The following ABCD2 variants were observed in gnomAD, a reference collection of about 807,000 sequenced individuals.
ABCD2 encodes ATP-binding cassette sub-family D member 2.
In ABCD2, 36 loss-of-function variants were observed where a neutral mutation model predicts 70.9. That is an observed-to-expected ratio of 0.51 (90% CI 0.39 to 0.67). ABCD2 has a LOEUF of 0.67. Ranked by LOEUF, ABCD2 falls within the 30% of genes least tolerant of loss-of-function variation. The pLI is 0.00. For missense variants in ABCD2, 729 were observed against 890.2 expected (o/e 0.82, Z 2.30); for synonymous variants, 304 against 306.9 (o/e 0.99, Z 0.10).
chr12:39,549,820 A>G (rs532280036), downstream of ABCD2, among the ~76,000 whole-genome samples: 27 of 151,998 alleles, frequency 1.8e-4, no homozygotes, highest in African/African-American at 6.0e-4. Context: ...TAGTTTGGGT[A>G]TTGTATGAGG....
At chr12:39,554,448 T>G (rs1243239591) in intron 9 of ABCD2, among the ~76,000 whole-genome samples, 1 of 152,046 alleles carries the variant, frequency 6.6e-6, no homozygotes, top group Admixed American at 6.6e-5. Flanking sequence ...TAAGGCATTC[T>G]TAGGATGGGA....
rs150748438 is a variant in ABCD2, at chr12:39,584,237, G to A, written c.1792+1915C>T. The stretch of plus-strand genomic sequence containing the variant: ...GACTGGTGTGAGATGGTACCTCATT[G>A]TGGTTTTGATGTGCATTTCTCTAGT... On this transcript the variant is annotated intron_variant, in intron 7 of 9. Coordinates refer to ENST00000308666, the MANE Select transcript of ABCD2 (RefSeq NM_005164.4). 2.2e-4 allele frequency among the ~76,000 whole-genome samples: 33 copies of A among 152,228 alleles called. No homozygotes were observed. The East Asian group carries it at 6.2e-3, about 28-fold the overall frequency.
rs1388193328 is a variant in ABCD2 at position 39,619,210 on chromosome 12, C to T, written c.406G>A (p.Val136Met). The change falls in exon 1 of 10, where the codon GTG becomes ATG. Residue 136 changes from valine (V) to methionine (M), a missense_variant. Val to Met is a conservative substitution (Grantham distance 21). Around this residue, in one of 3 missense-constraint regions of ABCD2, gnomAD observed 245 missense variants for 261.2 expected, o/e 0.94. Transcript: ENST00000308666. ...ATGAAAGTCCGAGGCTTCTTTTCCACAATGCTTTTCACGATTTTTCCATCC... is the reference window on the plus strand; with the variant it reads ...ATGAAAGTCCGAGGCTTCTTTTCCATAATGCTTTTCACGATTTTTCCATCC... ...GLDGKIVKSIVEKKPRTFIIK... is the reference protein window; with the variant it reads ...GLDGKIVKSIMEKKPRTFIIK... 3.1e-6 allele frequency: 5 copies of T among 1,614,034 alleles called. No homozygotes were observed. The highest frequency in any genetic ancestry group is 4.2e-6 in the Non-Finnish European group (5 of 1,180,040).
chr12:39,558,131 C>A (rs373827276), intron 9 of ABCD2, among the ~76,000 whole-genome samples: 2 of 152,240 alleles, frequency 1.3e-5, no homozygotes, highest in Non-Finnish European at 2.9e-5. Flanking sequence ...GGGAGCCCAA[C>A]TCTTGCATCA....
chr12:39,555,768 C>T (rs922789068), intron 9 of ABCD2, among the ~76,000 whole-genome samples: 58 of 152,240 alleles, frequency 3.8e-4, no homozygotes, highest in African/African-American at 1.2e-3. Flanking sequence ...ACCTGTTGTC[C>T]CTGTCAGACA....
At chr12:39,614,168 C>T (rs191145510) in intron 2 of ABCD2, among the ~76,000 whole-genome samples, 55 of 152,124 alleles carry the variant, frequency 3.6e-4, no homozygotes, top group Non-Finnish European at 7.1e-4. Flanking sequence ...CATGATTTGC[C>T]CAGGGTCACA....
intron 6 of ABCD2, among the ~76,000 whole-genome samples, chr12:39,588,430 C>A (rs1366626028): frequency 2.0e-5 from 3 of 151,892 alleles, no homozygotes; most frequent in African/African-American, 7.3e-5. Flanking sequence ...TGAGAAGAAA[C>A]ACAGGAAAGA....
At chr12:39,531,590 G>T in the ABCD2 span, among the ~76,000 whole-genome samples, 1 of 152,164 alleles carries the variant, frequency 6.6e-6, no homozygotes, top group Non-Finnish European at 1.5e-5. Context: ...TCTCTGGCTG[G>T]ACTTCACGGA....
chr12:39,531,661 T>A, the ABCD2 span, among the ~76,000 whole-genome samples: 1 of 152,252 alleles, frequency 6.6e-6, no homozygotes, highest in African/African-American at 2.4e-5. Context: ...CTCTCTTTGA[T>A]CAGATTATTA....
intron 9 of ABCD2, among the ~76,000 whole-genome samples, chr12:39,561,675 A>G (rs1471063556): frequency 6.6e-6 from 1 of 152,126 alleles, no homozygotes; most frequent in Non-Finnish European, 1.5e-5. Flanking sequence ...ATATATTTGA[A>G]CCCAACATCA....
At chr12:39,582,818 C>T (rs1379974684) in intron 7 of ABCD2, among the ~76,000 whole-genome samples, 6 of 151,668 alleles carry the variant, frequency 4.0e-5, no homozygotes, top group Admixed American at 2.0e-4. Flanking sequence ...AGACAAAGTA[C>T]AGTATCAATA....
chr12:39,569,762 T>C (rs894225075), intron 9 of ABCD2, among the ~76,000 whole-genome samples: 1 of 152,216 alleles, frequency 6.6e-6, no homozygotes, highest in African/African-American at 2.4e-5. Context: ...TCAGCCCTCT[T>C]GGCTCCACTC....
At chr12:39,557,325 G>A (rs768928968) in intron 9 of ABCD2, among the ~76,000 whole-genome samples, 4 of 152,148 alleles carry the variant, frequency 2.6e-5, no homozygotes, top group Non-Finnish European at 5.9e-5. Context: ...AAATTTCTAA[G>A]CAGCAAAGCA....
rs762845047 is a variant in ABCD2, at chr12:39,604,814, G to T, written c.1353C>A (p.Ser451Arg). 3.7e-6 allele frequency: 6 copies of T among 1,611,788 alleles called. No homozygotes were observed. The African/African-American group carries it at 8.0e-5, about 22-fold the overall frequency. ...GTAATTCTACCTTAGCTCCATTCTT[G>T]CTATGGCTTTCAGATTCTTGAATGA... is the stretch of plus-strand genomic sequence containing the variant. ...TAVIQESESH[S>R]KNGAKVELPL... The change falls in exon 4 of 10, where the codon AGC becomes AGA. Residue 451 changes from serine to arginine, a missense_variant. Physicochemically the swap from Ser to Arg is moderately radical, Grantham distance 110. Coordinates refer to ENST00000308666, the MANE Select transcript of ABCD2 (RefSeq NM_005164.4).
chr12:39,572,898 A>T (rs887704918), intron 9 of ABCD2, among the ~76,000 whole-genome samples: 1 of 152,198 alleles, frequency 6.6e-6, no homozygotes, highest in Non-Finnish European at 1.5e-5. Flanking sequence ...TCATTGATTA[A>T]ATAGAAATGC....
Position 39,619,607 on chromosome 12 carries a change from A to G in ABCD2, c.9T>C (p.His3=). MT[H]MLNAAADRVK... is the part of the protein sequence containing the mutation. ...CTCGATCAGCTGCTGCATTTAGCATATGTGTCATTTTCCCAGTTACCCAAA... is the reference window on the plus strand; with the variant it reads ...CTCGATCAGCTGCTGCATTTAGCATGTGTGTCATTTTCCCAGTTACCCAAA... Residue 3 remains histidine (H), a synonymous_variant, in exon 1 of 10, where the codon CAT becomes CAC. Transcript: ENST00000308666. 11 of 1,604,502 alleles carry G rather than the reference A, an allele frequency of 6.9e-6. No homozygotes were observed. Among genetic ancestry groups the G allele is most frequent in the Non-Finnish European group, 9.3e-6 (11 of 1,177,482 alleles).
chr12:39,582,765 G>A, intron 7 of ABCD2, among the ~76,000 whole-genome samples: 1 of 151,898 alleles, frequency 6.6e-6, no homozygotes, highest in East Asian at 1.9e-4. Flanking sequence ...ATGAAATAAT[G>A]TATGTGATAT....
intron 7 of ABCD2, among the ~76,000 whole-genome samples, chr12:39,582,118 T>A (rs147715761): frequency 2.6e-5 from 4 of 152,246 alleles, no homozygotes; most frequent in Non-Finnish European, 5.9e-5. Context: ...TGCTTAAATA[T>A]TTCAGGTTTA....
Position 39,604,966 on chromosome 12 carries a change from A to G in ABCD2, c.1237-36T>C, listed in dbSNP as rs201011127. ...CACAGAGATATAAAATAGAGTTACT[A>G]TATCCAAGACAATATTTTAAATAAA... is the stretch of plus-strand genomic sequence containing the variant. On this transcript the variant is annotated intron_variant, in intron 3 of 9. Transcript: ENST00000308666. 1.5e-5 allele frequency: 22 copies of G among 1,487,990 alleles called. No homozygotes were observed. In the African/African-American group the frequency reaches 3.1e-4, roughly 21 times the overall value. The allele number at this position is 1,487,990 out of a possible 1,614,324, so 92.2% of individuals were successfully genotyped here. A position where few individuals can be genotyped will look rare whatever the true frequency, so the allele number is the denominator to read the frequency against.
Sources: allele counts gnomAD v4.1 joint callset (sites outside exome capture counted in the v4.1 genomes callset), GRCh38; gene constraint gnomAD v4.1.1; regional missense constraint gnomAD v4.1.1; transcripts MANE v1.5; gene names NCBI Gene and HGNC (gene_info 2026-07-23, HGNC 2026-07-21).